Variants in SPATA16 observed in about 807,000 individuals in gnomAD.
SPATA16 encodes spermatogenesis-associated protein 16.
A neutral mutation model predicts 63.3 loss-of-function variants in SPATA16; 36 were observed. The observed-to-expected ratio is 0.57, with a 90% confidence interval of 0.44 to 0.75. The LOEUF (loss-of-function observed/expected upper bound fraction) is 0.75, where lower values mean the gene tolerates loss of function less well. Among genes scored for constraint, SPATA16 ranks in the 30% least tolerant of loss-of-function variants. The pLI, the probability that SPATA16 is intolerant of heterozygous loss-of-function variation, is 0.00. For missense variants in SPATA16, 646 were observed against 679.3 expected, an observed-to-expected ratio of 0.95 and a Z score of 0.54; for synonymous variants, 203 against 216.7, an observed-to-expected ratio of 0.94 and a Z score of 0.56.
Position 172,924,268 on chromosome 3 carries a change from C to CTT in SPATA16, c.1277_1278insAA (p.Met426IlefsTer21), listed in dbSNP as rs767050351. On this transcript the variant is annotated frameshift_variant, in exon 8 of 11. Transcript: ENST00000351008. LOFTEE classifies it high-confidence loss of function. Reference sequence around the variant, plus strand: ...GCAAGATTCGCTTCCCCATTGTCTCCATTTGCCTCACTGTATCTTCTCTGG... The same window carrying CTT: ...GCAAGATTCGCTTCCCCATTGTCTCCTTATTTGCCTCACTGTATCTTCTCTGG... 1 of 1,613,518 alleles carries CTT rather than the reference C, an allele frequency of 6.2e-7. No homozygotes were observed. The highest frequency in any genetic ancestry group is 8.5e-7 in the Non-Finnish European group (1 of 1,179,710).
At chr3:173,068,899 A>G (rs9837587) in intron 2 of SPATA16, among the ~76,000 whole-genome samples, 26,396 of 148,500 alleles carry the variant, frequency 0.18, 2,662 homozygotes, top group African/African-American at 0.28. Context: ...TCACGAGGTC[A>G]GGAGATCGAG....
At chr3:173,023,764 A>T (rs1161268814) in intron 3 of SPATA16, among the ~76,000 whole-genome samples, 2 of 151,604 alleles carry the variant, frequency 1.3e-5, no homozygotes, top group African/African-American at 4.8e-5. Context: ...AAAAACAGAA[A>T]TTTTACTAAT....
intron 2 of SPATA16, among the ~76,000 whole-genome samples, chr3:173,089,151 A>T (rs1264068202): frequency 1.3e-5 from 2 of 152,174 alleles, no homozygotes; most frequent in African/African-American, 2.4e-5. Flanking sequence ...TCTCCAGAGA[A>T]GATCAAAGAG....
chr3:173,060,943 A>G (rs565619199), intron 2 of SPATA16, among the ~76,000 whole-genome samples: 2 of 152,258 alleles, frequency 1.3e-5, no homozygotes, highest in South Asian at 4.1e-4. Context: ...ATCTTCGTAT[A>G]ATAAGAGATT....
intron 5 of SPATA16, among the ~76,000 whole-genome samples, chr3:172,976,158 T>C (rs1734154423): frequency 6.6e-6 from 1 of 152,122 alleles, no homozygotes; most frequent in Non-Finnish European, 1.5e-5. Flanking sequence ...ACAATTTCAT[T>C]GGAAATGGGT....
At chr3:172,992,195 A>G (rs1734593608) in intron 4 of SPATA16, among the ~76,000 whole-genome samples, 1 of 152,138 alleles carries the variant, frequency 6.6e-6, no homozygotes, top group African/African-American at 2.4e-5. Flanking sequence ...TTAAAAAACC[A>G]CAGCTTGCAT....
chr3:173,117,258 T>C lies in SPATA16; in HGVS notation c.474A>G (p.Val158=), dbSNP rs148560257. 89 of 1,614,166 alleles carry C rather than the reference T, an allele frequency of 5.5e-5. No individual in the cohort carries two copies. The Middle Eastern group carries it at 8.2e-4, about 15-fold the overall frequency. Residue 158 remains valine, a synonymous_variant, in exon 2 of 11, where the codon GTA becomes GTG. Transcript: ENST00000351008. ...SQPTCQAAEI[V]DPLSVHNFSF... The stretch of plus-strand genomic sequence containing the variant: ...TGAAATTATGTACACTCAAAGGGTC[T>C]ACTATTTCAGCAGCTTGGCATGTTG...
At chr3:172,890,523 G>C (rs1731873709) in intron 10 of SPATA16, among the ~76,000 whole-genome samples, 1 of 152,116 alleles carries the variant, frequency 6.6e-6, no homozygotes, top group Non-Finnish European at 1.5e-5. Context: ...CTCAAAGCTA[G>C]AGCACTTACT....
intron 2 of SPATA16, among the ~76,000 whole-genome samples, chr3:173,111,483 A>G (rs1038686416): frequency 3.3e-5 from 5 of 152,218 alleles, no homozygotes; most frequent in Admixed American, 1.3e-4. Context: ...CTGGATTCAT[A>G]TGCAAATCCA....
chr3:173,134,313 G>C (rs765068695), intron 1 of SPATA16, among the ~76,000 whole-genome samples: 34 of 151,962 alleles, frequency 2.2e-4, no homozygotes, highest in Non-Finnish European at 4.1e-4. Context: ...TCTAGTGGGA[G>C]GTGTTTGAGT....
chr3:172,936,868 C>T (rs530639326), intron 6 of SPATA16, among the ~76,000 whole-genome samples: 4 of 152,190 alleles, frequency 2.6e-5, no homozygotes, highest in African/African-American at 7.2e-5. Context: ...CCACTATGGC[C>T]AGCTAATTTT....
At chr3:173,032,013 G>A (rs1735618019) in intron 3 of SPATA16, among the ~76,000 whole-genome samples, 1 of 152,062 alleles carries the variant, frequency 6.6e-6, no homozygotes, top group African/African-American at 2.4e-5. Context: ...CAAAACACTA[G>A]CAGAGTATGT....
At chr3:172,996,395 A>G (rs1253308881) in intron 4 of SPATA16, among the ~76,000 whole-genome samples, 1 of 152,150 alleles carries the variant, frequency 6.6e-6, no homozygotes, top group Non-Finnish European at 1.5e-5. Context: ...GACTATGTAA[A>G]TACATTTTTC....
chr3:172,932,394 G>T (rs1299374171), intron 6 of SPATA16, among the ~76,000 whole-genome samples: 1 of 152,010 alleles, frequency 6.6e-6, no homozygotes, highest in Non-Finnish European at 1.5e-5. Context: ...TGACATTTAG[G>T]TTAAAGCAAA....
intron 1 of SPATA16, among the ~76,000 whole-genome samples, chr3:173,124,411 T>C (rs1324370448): frequency 6.6e-6 from 1 of 152,216 alleles, no homozygotes; most frequent in Non-Finnish European, 1.5e-5. Flanking sequence ...AGAGGTTTGG[T>C]AATTCCACAA....
At chr3:172,911,383 G>A (rs964861163) in intron 10 of SPATA16, among the ~76,000 whole-genome samples, 1 of 152,110 alleles carries the variant, frequency 6.6e-6, no homozygotes, top group African/African-American at 2.4e-5. Flanking sequence ...GCTTAGTAGG[G>A]TCCCTGCTCC....
chr3:172,926,230 T>C (rs1040339195), intron 6 of SPATA16, among the ~76,000 whole-genome samples: 4 of 152,176 alleles, frequency 2.6e-5, no homozygotes, highest in Non-Finnish European at 5.9e-5. Flanking sequence ...ATAAAGCTAA[T>C]TAATTTAGTT....
At chr3:173,079,969 T>C (rs906280562) in intron 2 of SPATA16, among the ~76,000 whole-genome samples, 2 of 152,132 alleles carry the variant, frequency 1.3e-5, no homozygotes, top group African/African-American at 4.8e-5. Context: ...AAATACGCAA[T>C]GCCTAAAGTG....
chr3:173,117,722 C>T lies in SPATA16; in HGVS notation c.10G>A (p.Gly4Arg), dbSNP rs553799364. 3 of 1,614,116 alleles carry T rather than the reference C, an allele frequency of 1.9e-6. No homozygotes were observed. The highest frequency in any genetic ancestry group is 2.5e-6 in the Non-Finnish European group (3 of 1,179,982). The change falls in exon 2 of 11, where the codon GGA becomes AGA. Residue 4 changes from glycine to arginine, a missense_variant. By Grantham distance (125) the Gly-to-Arg change is moderately radical. Transcript: ENST00000351008. ...GCATTCTCCAAACTCCTACTGCTTC[C>T]TGCATCCATCGATCCTGCCCAAAAC... MDA[G>R]SSRSLENAVN...
Sources: allele counts gnomAD v4.1 joint callset (sites outside exome capture counted in the v4.1 genomes callset), GRCh38; gene constraint gnomAD v4.1.1; transcripts MANE v1.5; gene names NCBI Gene and HGNC (gene_info 2026-07-23, HGNC 2026-07-21).